GPC5: variants seen among roughly 807,000 people sequenced by gnomAD.
The protein encoded by GPC5 is glypican-5.
A neutral mutation model predicts 53.9 loss-of-function variants in GPC5; 47 were observed. The ratio of observed to expected loss-of-function variants is 0.87; its 90% CI spans 0.69 to 1.11. The LOEUF (loss-of-function observed/expected upper bound fraction) is 1.11, where lower values mean the gene tolerates loss of function less well. Among genes scored for constraint, GPC5 ranks in the 50% most tolerant of loss-of-function variants. The probability of loss-of-function intolerance (pLI) is 0.00; values close to 1 mark genes in which losing one functional copy is unlikely to be tolerated. For synonymous variants in GPC5, 286 were observed against 263.3 expected (o/e 1.09, Z -0.84); for missense variants, 748 against 713.1 (o/e 1.05, Z -0.56).
chr13:92,616,557 C>T (rs567118126), intron 7 of GPC5, among the ~76,000 whole-genome samples: 21 of 152,268 alleles, frequency 1.4e-4, no homozygotes, highest in Admixed American at 1.2e-3. Flanking sequence ...TATTATGTAA[C>T]ATTGTTCTTC....
At chr13:92,269,317 G>A (rs2042823962) in intron 7 of GPC5, among the ~76,000 whole-genome samples, 1 of 152,050 alleles carries the variant, frequency 6.6e-6, no homozygotes, top group South Asian at 2.1e-4. Context: ...CTATTAGGTT[G>A]TAATTTTCTA....
chr13:91,842,676 A>G (rs1435925696), intron 5 of GPC5, among the ~76,000 whole-genome samples: 14 of 132,656 alleles, frequency 1.1e-4, no homozygotes, highest in East Asian at 5.0e-4. Flanking sequence ...CACCACTCCA[A>G]CCTGGGAGAC....
chr13:91,904,116 G>A (rs1210066227), intron 5 of GPC5, among the ~76,000 whole-genome samples: 1 of 133,708 alleles, frequency 7.5e-6, no homozygotes, highest in Non-Finnish European at 1.6e-5. Context: ...GTTTTGTTTT[G>A]CTTAGTTTTA....
intron 2 of GPC5, among the ~76,000 whole-genome samples, chr13:91,502,064 T>G (rs1884666573): frequency 1.3e-5 from 2 of 152,270 alleles, no homozygotes; most frequent in African/African-American, 4.8e-5. Context: ...TGTCTGTTCT[T>G]ATCCTTTGCC....
Position 92,800,242 on chromosome 13 carries a change from A to G in GPC5, c.1562-66040A>G, listed in dbSNP as rs146479681. ...ATCACTGGTATTCATTAAAGAATTT[A>G]CATTAATAAACTGCCTTCTGAGATC... On this transcript the variant is annotated intron_variant, in intron 7 of 7. Coordinates refer to ENST00000377067, the MANE Select transcript of GPC5 (RefSeq NM_004466.6). Among the ~76,000 whole-genome samples the G allele has an allele frequency of 2.3e-3, 353 of 152,020 alleles. 3 individuals are homozygous for G. Among genetic ancestry groups the G allele is most frequent in the Middle Eastern group, 0.017 (5 of 294 alleles).
At chr13:91,696,862 G>A (rs2035889434) in intron 3 of GPC5, among the ~76,000 whole-genome samples, 1 of 152,168 alleles carries the variant, frequency 6.6e-6, no homozygotes, top group Non-Finnish European at 1.5e-5. Flanking sequence ...ATAAAGAAGA[G>A]AGGTAACAAA....
intron 7 of GPC5, among the ~76,000 whole-genome samples, chr13:92,781,222 A>G (rs1876014053): frequency 6.6e-6 from 1 of 152,122 alleles, no homozygotes. Context: ...TCAGTAACAA[A>G]TATTGCCTTT....
At chr13:92,449,651 C>T (rs1257394452) in intron 7 of GPC5, among the ~76,000 whole-genome samples, 1 of 151,978 alleles carries the variant, frequency 6.6e-6, no homozygotes, top group African/African-American at 2.4e-5. Context: ...TCTAAAAGAA[C>T]AGTGAAATAG....
intron 6 of GPC5, among the ~76,000 whole-genome samples, chr13:92,051,904 A>T (rs9523489): frequency 0.56 from 84,786 of 152,032 alleles, 23,978 homozygotes; most frequent in East Asian, 0.79. Flanking sequence ...GCTGATGCAT[A>T]AGTCCCTAGT....
intron 6 of GPC5, among the ~76,000 whole-genome samples, chr13:92,051,199 C>CTTTTTTTTTTT (rs72346282): frequency 4.1e-5 from 3 of 73,908 alleles, no homozygotes; most frequent in African/African-American, 1.3e-4. Flanking sequence ...TCATTTTTTT[C>CTTTTTTTTTTT]TTTTTTTTTT....
At chr13:91,975,095 C>T (rs1192302239) in intron 6 of GPC5, among the ~76,000 whole-genome samples, 1 of 152,170 alleles carries the variant, frequency 6.6e-6, no homozygotes, top group East Asian at 1.9e-4. Flanking sequence ...GGATCCCTTC[C>T]TCACACCTTA....
rs564014742 is a variant in GPC5 at position 92,265,892 on chromosome 13, G to A, written c.1561+120903G>A. On this transcript the variant is annotated intron_variant, in intron 7 of 7. Transcript: ENST00000377067. ...TGAGAAATTCAAGATCAAGGGGCCA[G>A]CACCTGGCAAGGGGCTTCTTGCTAC... Among the ~76,000 whole-genome samples the A allele has an allele frequency of 2.6e-5, 4 of 152,348 alleles. 1 individual carries two copies. The South Asian group carries it at 8.3e-4, about 32-fold the overall frequency.
chr13:92,776,170 T>C (rs1875795948), intron 7 of GPC5, among the ~76,000 whole-genome samples: 1 of 152,172 alleles, frequency 6.6e-6, no homozygotes, highest in South Asian at 2.1e-4. Context: ...ACTTTTCCAG[T>C]TTGTAGAGGT....
chr13:92,294,023 T>C (rs1392753554), intron 7 of GPC5, among the ~76,000 whole-genome samples: 1 of 152,226 alleles, frequency 6.6e-6, no homozygotes, highest in African/African-American at 2.4e-5. Context: ...AAACCATTCT[T>C]GCATCCCTGG....
At chr13:92,786,827 T>C (rs763608122) in intron 7 of GPC5, among the ~76,000 whole-genome samples, 1 of 152,090 alleles carries the variant, frequency 6.6e-6, no homozygotes, top group African/African-American at 2.4e-5. Context: ...AAGAGTTACC[T>C]GTGGGGTAAT....
At chr13:92,471,089 G>T (rs9561060) in intron 7 of GPC5, among the ~76,000 whole-genome samples, 1 of 151,844 alleles carries the variant, frequency 6.6e-6, no homozygotes, top group South Asian at 2.1e-4. Context: ...TGTCCTTATC[G>T]GGGCTAGAAA....
intron 5 of GPC5, among the ~76,000 whole-genome samples, chr13:91,898,509 C>T (rs2039466265): frequency 6.6e-6 from 1 of 152,070 alleles, no homozygotes; most frequent in Non-Finnish European, 1.5e-5. Context: ...AGTGCTTGTG[C>T]CTTTTATTCT....
At position 92,751,746 on chromosome 13, in the gene GPC5, A is replaced by AAAAAAAAT. The variant is rs1555309445; in HGVS notation, c.1562-114530_1562-114529insATAAAAAA. Among the ~76,000 whole-genome samples the AAAAAAAAT allele has an allele frequency of 2.0e-4, 30 of 151,224 alleles. No individual in the cohort carries two copies. The East Asian group carries it at 3.6e-3, about 18-fold the overall frequency. ...ATGTACCCTAGAACTTAAAGTATAA[A>AAAAAAAAT]AAAAAATAAAAAATAAAAACACTTC... On this transcript the variant is annotated intron_variant, in intron 7 of 7. Coordinates refer to ENST00000377067, the MANE Select transcript of GPC5 (RefSeq NM_004466.6).
chr13:91,505,054 TAA>T (rs1428181601), intron 2 of GPC5, among the ~76,000 whole-genome samples: 1 of 152,164 alleles, frequency 6.6e-6, no homozygotes, highest in Admixed American at 6.5e-5. Context: ...AGAATTGAAA[TAA>T]GTCAATTTCT....
Sources: allele counts gnomAD v4.1 joint callset (sites outside exome capture counted in the v4.1 genomes callset), GRCh38; gene constraint gnomAD v4.1.1; transcripts MANE v1.5; gene names NCBI Gene and HGNC (gene_info 2026-07-23, HGNC 2026-07-21).